Variants in GAB3 observed in about 807,000 individuals in gnomAD.
GAB3 encodes GRB2 associated binding protein 3.
Under a neutral mutation model 40.4 loss-of-function variants are expected in GAB3, and 12 were observed. The ratio of observed to expected loss-of-function variants is 0.30; its 90% confidence interval spans 0.19 to 0.48. The LOEUF (loss-of-function observed/expected upper bound fraction) is 0.48. Ranked by LOEUF, GAB3 falls within the 20% of genes least tolerant of loss-of-function variation. The pLI, the probability that GAB3 is intolerant of heterozygous loss-of-function variation, is 0.99. For missense variants in GAB3, 381 were observed against 461.9 expected, an observed-to-expected ratio of 0.82 and a Z score of 1.61; for synonymous variants, 154 against 176.7, an observed-to-expected ratio of 0.87 and a Z score of 1.02.
chrX:154,724,034 A>G (rs1245338090), intron 1 of GAB3, among the ~76,000 whole-genome samples: 3 of 111,956 alleles, frequency 2.7e-5, no homozygotes, highest in Non-Finnish European at 5.6e-5. Context: ...AACATTATCA[A>G]TGTAAAAGTA....
chrX:154,728,503 C>T (rs781958552), intron 1 of GAB3, among the ~76,000 whole-genome samples: 29 of 111,902 alleles, frequency 2.6e-4, no homozygotes, highest in Non-Finnish European at 4.3e-4. Context: ...ATAGGAGATG[C>T]CTCAGATTAA....
At chrX:154,683,353 T>C (rs2070401323) in intron 8 of GAB3, among the ~76,000 whole-genome samples, 1 of 112,603 alleles carries the variant, frequency 8.9e-6, no homozygotes, top group African/African-American at 3.2e-5. Context: ...GGCTTGAGAA[T>C]GGTTCTCATA....
chrX:154,731,685 G>A (rs1557259993), intron 1 of GAB3, among the ~76,000 whole-genome samples: 1 of 111,524 alleles, frequency 9.0e-6, no homozygotes, highest in Non-Finnish European at 1.9e-5. Context: ...GTGCACAGGT[G>A]TGGTGGCTCC....
intron 1 of GAB3, among the ~76,000 whole-genome samples, chrX:154,739,763 A>C (rs1296902071): frequency 8.9e-6 from 1 of 112,287 alleles, no homozygotes; most frequent in Non-Finnish European, 1.9e-5. Context: ...ACATGACTGC[A>C]TTACCTATTT....
intron 1 of GAB3, among the ~76,000 whole-genome samples, chrX:154,719,653 T>A (rs918685913): frequency 8.9e-6 from 1 of 112,269 alleles, no homozygotes; most frequent in African/African-American, 3.2e-5. Context: ...CAGTGTGTCA[T>A]CCCTTAGGTT....
At chrX:154,703,623 C>T (rs925850790) in intron 4 of GAB3, among the ~76,000 whole-genome samples, 1 of 111,660 alleles carries the variant, frequency 9.0e-6, no homozygotes, top group Non-Finnish European at 1.9e-5. Flanking sequence ...ATTTAATAAA[C>T]CTACACATGT....
At chrX:154,750,438 T>A (rs1317536157) in intron 1 of GAB3, among the ~76,000 whole-genome samples, 4 of 111,885 alleles carry the variant, frequency 3.6e-5, no homozygotes, top group Non-Finnish European at 7.5e-5. Context: ...GAGAAACGAG[T>A]TACACTGTGT....
chrX:154,710,526 G>A (rs1557255598), intron 4 of GAB3, among the ~76,000 whole-genome samples: 2 of 111,772 alleles, frequency 1.8e-5, no homozygotes, highest in African/African-American at 3.3e-5. Context: ...GGCAGAGGGG[G>A]CGCTGGAGAG....
chrX:154,700,905 T>A (rs1279621931), intron 4 of GAB3, among the ~76,000 whole-genome samples: 1 of 110,925 alleles, frequency 9.0e-6, no homozygotes, highest in Non-Finnish European at 1.9e-5. Flanking sequence ...TTCGACAACA[T>A]CTTAAAATGC....
At chrX:154,708,585 A>T (rs992242795) in intron 4 of GAB3, among the ~76,000 whole-genome samples, 1 of 112,469 alleles carries the variant, frequency 8.9e-6, no homozygotes, top group Non-Finnish European at 1.9e-5. Context: ...GACATTTCTC[A>T]AATGGCCAAC....
intron 1 of GAB3, among the ~76,000 whole-genome samples, chrX:154,740,376 T>C (rs1204942978): frequency 2.7e-5 from 3 of 112,355 alleles, no homozygotes; most frequent in East Asian, 5.6e-4. Context: ...TATATGTGCT[T>C]GTATATGCAT....
intron 1 of GAB3, among the ~76,000 whole-genome samples, chrX:154,719,125 G>C (rs1557258193): frequency 2.7e-5 from 3 of 111,795 alleles, no homozygotes; most frequent in Non-Finnish European, 5.6e-5. Context: ...TCTAGCAGAA[G>C]AATGAACCAG....
intron 4 of GAB3, among the ~76,000 whole-genome samples, chrX:154,700,849 T>C (rs1184691983): frequency 1.8e-5 from 2 of 111,017 alleles, no homozygotes; most frequent in African/African-American, 6.6e-5. Context: ...CCTCAAGAGC[T>C]TGGAGGTGTG....
At chrX:154,727,599 T>C (rs1283681498) in intron 1 of GAB3, among the ~76,000 whole-genome samples, 10 of 112,293 alleles carry the variant, frequency 8.9e-5, no homozygotes, top group Admixed American at 2.8e-4. Context: ...AAAACACTAC[T>C]CTTGAGGAAC....
At chrX:154,737,862 C>T (rs1309895360) in intron 1 of GAB3, among the ~76,000 whole-genome samples, 1 of 111,281 alleles carries the variant, frequency 9.0e-6, no homozygotes, top group African/African-American at 3.3e-5. Flanking sequence ...TGGTGGCAGG[C>T]GCCAGTAATC....
At chrX:154,690,670 C>T (rs1473144304) in intron 8 of GAB3, among the ~76,000 whole-genome samples, 2 of 112,109 alleles carry the variant, frequency 1.8e-5, no homozygotes, top group African/African-American at 6.5e-5. Context: ...TGAAAAAATG[C>T]TCACCATCAC....
chrX:154,734,900 T>G (rs2071342960), intron 1 of GAB3, among the ~76,000 whole-genome samples: 1 of 112,257 alleles, frequency 8.9e-6, no homozygotes, highest in South Asian at 3.7e-4. Context: ...TCCAAGATTA[T>G]CAAAATATTT....
chrX:154,744,503 T>A (rs1195103772), intron 1 of GAB3, among the ~76,000 whole-genome samples: 1 of 112,089 alleles, frequency 8.9e-6, no homozygotes, highest in Non-Finnish European at 1.9e-5. Context: ...TGTGTATAAC[T>A]AGAAATGGAG....
chrX:154,710,086 T>C (rs782543688), intron 4 of GAB3, among the ~76,000 whole-genome samples: 4 of 100,947 alleles, frequency 4.0e-5, no homozygotes, highest in Admixed American at 9.9e-5. Context: ...CATATGCATA[T>C]CAAATCATCA....
Sources: gnomAD v4.1 joint callset for allele counts (sites outside exome capture counted in the v4.1 genomes callset) on GRCh38, gnomAD v4.1.1 for gene constraint, MANE v1.5 for transcripts, NCBI Gene and HGNC (gene_info 2026-07-23, HGNC 2026-07-21) for gene names.